The following USF3 variants were observed in gnomAD, a reference collection of about 807,000 sequenced individuals.
USF3 encodes the protein upstream transcription factor family member 3.
USF3 carries 29 observed loss-of-function variants against 157.5 expected under a neutral mutation model. That is an observed-to-expected ratio of 0.18 (90% CI 0.14 to 0.25). The LOEUF (loss-of-function observed/expected upper bound fraction) is 0.25. Among genes scored for constraint, USF3 ranks in the 10% least tolerant of loss-of-function variants. The pLI is 1.00. For synonymous variants in USF3, 893 were observed against 941.4 expected, an observed-to-expected ratio of 0.95 and a Z score of 0.94; for missense variants, 2,381 against 2,667.6, an observed-to-expected ratio of 0.89 and a Z score of 2.37.
rs571970409 is a variant in USF3 at position 113,695,579 on chromosome 3, G to A, written c.-135+791C>T. Among the ~76,000 whole-genome samples the A allele has an allele frequency of 1.5e-4, 23 of 152,328 alleles. No individual in the cohort carries two copies. In the South Asian group the frequency reaches 4.6e-3, roughly 30 times the overall value. On this transcript the variant is annotated intron_variant, in intron 1 of 6. Transcript: ENST00000316407. ...GTTAGGTTACTGTATCTACTTGATG[G>A]TAAAAATGTTACAAGAACGGAAGTT... is the stretch of plus-strand genomic sequence containing the variant.
chr3:113,672,900 C>G (rs988174858), intron 4 of USF3, among the ~76,000 whole-genome samples: 2 of 152,188 alleles, frequency 1.3e-5, no homozygotes, highest in Non-Finnish European at 2.9e-5. Context: ...TTTTCTATAT[C>G]TTCCTATAAT....
In USF3 at chr3:113,656,818, A is replaced by G; in HGVS notation, c.4864T>C (p.Ser1622Pro). Reference protein sequence around the residue: ...QGSGVSSEHVSGHNPMQRLLT... With the variant: ...QGSGVSSEHVPGHNPMQRLLT... ...AGCCTCTGCATTGGATTATGGCCAG[A>G]TACATGTTCAGATGAAACCCCTGAA... The change falls in exon 7 of 7, where the codon TCT (serine) becomes CCT (proline). Residue 1622 changes from serine to proline, a missense_variant. Ser to Pro is a moderately conservative substitution (Grantham distance 74). Around this residue, in one of 6 missense-constraint regions of USF3, gnomAD observed 770 missense variants for 824.2 expected, o/e 0.93. Coordinates refer to ENST00000316407, the MANE Select transcript of USF3 (RefSeq NM_001009899.4). 6.2e-7 allele frequency: 1 copy of G among 1,614,192 alleles called. No individual in the cohort carries two copies. Among genetic ancestry groups the G allele is most frequent in the Non-Finnish European group, 8.5e-7 (1 of 1,180,026 alleles).
At chr3:113,689,404 CT>C (rs1207912100) in intron 1 of USF3, among the ~76,000 whole-genome samples, 2 of 152,214 alleles carry the variant, frequency 1.3e-5, no homozygotes, top group African/African-American at 4.8e-5. Flanking sequence ...GTCAAGTCAT[CT>C]GGTCCAAGTT....
intron 1 of USF3, among the ~76,000 whole-genome samples, chr3:113,689,272 G>C (rs1707632321): frequency 6.6e-6 from 1 of 152,174 alleles, no homozygotes; most frequent in African/African-American, 2.4e-5. Context: ...TCAGAGGACT[G>C]TTACAAGTTT....
At chr3:113,668,113 TA>T (rs1947598132) in intron 5 of USF3, among the ~76,000 whole-genome samples, 1 of 152,002 alleles carries the variant, frequency 6.6e-6, no homozygotes, top group Non-Finnish European at 1.5e-5. Flanking sequence ...AATAAAGCAG[TA>T]ATAAGAACCA....
chr3:113,690,342 T>A (rs1442764174), intron 1 of USF3, among the ~76,000 whole-genome samples: 2 of 152,220 alleles, frequency 1.3e-5, no homozygotes, highest in Non-Finnish European at 2.9e-5. Context: ...TCCCATTTGA[T>A]GGATTTTATA....
At chr3:113,683,464 C>CTTTTTT (rs5851905) in intron 1 of USF3, among the ~76,000 whole-genome samples, 131 of 87,094 alleles carry the variant, frequency 1.5e-3, no homozygotes, top group East Asian at 2.2e-3. Context: ...TTATCCCCTG[C>CTTTTTT]TTTTTTTTTT....
chr3:113,687,914 T>C (rs1707594733), intron 1 of USF3, among the ~76,000 whole-genome samples: 2 of 152,250 alleles, frequency 1.3e-5, no homozygotes, highest in Admixed American at 1.3e-4. Context: ...CTAGTATAGC[T>C]AAATTTATAC....
Position 113,659,244 on chromosome 3 carries a change from G to A in USF3, c.2438C>T (p.Pro813Leu). 6.2e-7 allele frequency: 1 copy of A among 1,614,100 alleles called. No individual in the cohort carries two copies. Among genetic ancestry groups the A allele is most frequent in the Admixed American group, 1.7e-5 (1 of 60,014 alleles). The stretch of plus-strand genomic sequence containing the variant: ...GCTCACATCTCTGACTGAATTCAGG[G>A]GACACGCTGACTTGTTTGCTGCTAA... ...KHLAANKSAC[P>L]LNSVRDVSKL... is the part of the protein sequence containing the mutation. The change falls in exon 7 of 7, where the codon CCC (proline) becomes CTC (leucine). Residue 813 changes from proline (P) to leucine (L), a missense_variant. By Grantham distance (98) the Pro-to-Leu change is moderately conservative. This residue lies in a region of USF3 where 1,435 missense variants were observed against 1,550.9 expected (regional missense o/e 0.93). Transcript: ENST00000316407.
rs369725597 is a variant in USF3 at position 113,656,572 on chromosome 3, G to T, written c.5110C>A (p.Leu1704Ile). ...VSDQLEMRSY[L>I]DVPRNKSLAI... ...AAACTCTTATTTCTGGGAACATCAA[G>T]ATAGCTTCTCATTTCAAGCTGATCT... The change falls in exon 7 of 7, where the codon CTT becomes ATT. Residue 1704 changes from leucine (L) to isoleucine (I), a missense_variant. Transcript: ENST00000316407. 1.9e-5 allele frequency: 30 copies of T among 1,614,078 alleles called. No individual in the cohort carries two copies. Among genetic ancestry groups the T allele is most frequent in the Middle Eastern group, 1.6e-4 (1 of 6,084 alleles).
intron 1 of USF3, among the ~76,000 whole-genome samples, chr3:113,687,256 CACACACACA>C (rs1707576545): frequency 6.6e-6 from 1 of 151,534 alleles, no homozygotes; most frequent in Admixed American, 6.6e-5. Flanking sequence ...CACACACACA[CACACACACA>C]CCCCCTTTCT....
chr3:113,650,195 ACCTTTG>A lies in USF3; in HGVS notation c.*4743_*4748del, dbSNP rs1198725528. 14 of 249,742 alleles carry A rather than the reference ACCTTTG, an allele frequency of 5.6e-5. No individual in the cohort carries two copies. The highest frequency in any genetic ancestry group is 2.4e-3 in the Middle Eastern group (2 of 818). The allele number at this position is 249,742 out of a possible 1,614,324, so 15.5% of individuals were successfully genotyped here. ...TCCAAAGCTGTTTCATTTTGGTATC[ACCTTTG>A]CCCTTTCATTCTTCACAGGAAAAAA... On this transcript the variant is annotated 3_prime_UTR_variant, in exon 7 of 7. Coordinates refer to ENST00000316407, the MANE Select transcript of USF3 (RefSeq NM_001009899.4).
At position 113,674,886 on chromosome 3, in the gene USF3, G is replaced by C; in HGVS notation, c.-8C>G. The C allele has an allele frequency of 6.2e-7, 1 of 1,609,672 alleles. No homozygotes were observed. Among genetic ancestry groups the C allele is most frequent in the African/African-American group, 1.3e-5 (1 of 74,910 alleles). ...CTCTGTCATTTCTGGCATGGTTACA[G>C]TAATAGGAACCTACAGAAGGATAGA... On this transcript the variant is annotated 5_prime_UTR_variant, in exon 3 of 7. Coordinates refer to ENST00000316407, the MANE Select transcript of USF3 (RefSeq NM_001009899.4).
chr3:113,674,819 T>G lies in USF3; in HGVS notation c.47+13A>C. On this transcript the variant is annotated intron_variant, in intron 3 of 6. Transcript: ENST00000316407. ...TGCCCAAAGCATATTATATTGGGGCTGTGGATACATACCTGTGCTGCTTTT... is the reference window on the plus strand; with the variant it reads ...TGCCCAAAGCATATTATATTGGGGCGGTGGATACATACCTGTGCTGCTTTT... 1 of 1,610,476 alleles carries G rather than the reference T, an allele frequency of 6.2e-7. No individual in the cohort carries two copies. The highest frequency in any genetic ancestry group is 8.5e-7 in the Non-Finnish European group (1 of 1,176,688).
chr3:113,657,585 G>A lies in USF3; in HGVS notation c.4097C>T (p.Thr1366Ile), dbSNP rs771589333. ...SMSLMSRTPD[T>I]ISDQTQMMVS... ...CATCATTTGAGTTTGGTCAGAAATGGTGTCTGGAGTTCTGCTCATCAGGGA... is the reference window on the plus strand; with the variant it reads ...CATCATTTGAGTTTGGTCAGAAATGATGTCTGGAGTTCTGCTCATCAGGGA... Residue 1366 changes from threonine to isoleucine, a missense_variant, in exon 7 of 7, where the codon ACC (threonine) becomes ATC (isoleucine). This residue lies in a region of USF3 where 1,435 missense variants were observed against 1,550.9 expected (regional missense o/e 0.93). Transcript: ENST00000316407. 69 of 1,614,054 alleles carry A rather than the reference G, an allele frequency of 4.3e-5. 1 individual carries two copies. The South Asian group carries it at 6.6e-4, about 15-fold the overall frequency.
rs762105560 is a variant in USF3, at chr3:113,655,057, G to A, written c.6625C>T (p.Pro2209Ser). The A allele has an allele frequency of 6.2e-7, 1 of 1,614,118 alleles. No homozygotes were observed. Among genetic ancestry groups the A allele is most frequent in the Non-Finnish European group, 8.5e-7 (1 of 1,180,046 alleles). Residue 2209 changes from proline (P) to serine (S), a missense_variant, in exon 7 of 7, where the codon CCT (proline) becomes TCT (serine). Coordinates refer to ENST00000316407, the MANE Select transcript of USF3 (RefSeq NM_001009899.4). Reference protein sequence around the residue: ...TALPDGSAMSPLLTIANSSAS... With the variant: ...TALPDGSAMSSLLTIANSSAS... ...GAGGAATTTGCTATTGTAAGCAAAG[G>A]TGACATTGCTGAGCCATCAGGAAGC... is the stretch of plus-strand genomic sequence containing the variant.
chr3:113,696,575 ACCGCAG>A lies in USF3; in HGVS notation c.-346_-341del, dbSNP rs1007511137. On this transcript the variant is annotated 5_prime_UTR_variant, in exon 1 of 7. Transcript: ENST00000316407. The stretch of plus-strand genomic sequence containing the variant: ...GCCCCCGCCGCCTCTTTTTGCGGCC[ACCGCAG>A]CCGCTGCGAGCCCGAGCCCTCAAGG... The A allele has an allele frequency of 1.7e-5, 2 of 115,486 alleles. No individual in the cohort carries two copies. Among genetic ancestry groups the A allele is most frequent in the Non-Finnish European group, 3.5e-5 (2 of 57,810 alleles). The allele number at this position is 115,486 out of a possible 1,614,324, so 7.2% of individuals were successfully genotyped here.
Position 113,674,853 on chromosome 3 carries a change from G to A in USF3, c.26C>T (p.Thr9Met), listed in dbSNP as rs374318183. Residue 9 changes from threonine to methionine, a missense_variant, in exon 3 of 7, where the codon ACG (threonine) becomes ATG (methionine). By Grantham distance (81) the Thr-to-Met change is moderately conservative. This residue lies in a region of USF3 where 105 missense variants were observed against 158.6 expected (regional missense o/e 0.66). Transcript: ENST00000316407. MPEMTENE[T>M]PTKKQHRKKN... ...ATACCTGTGCTGCTTTTTTGTAGGCGTCTCATTCTCTGTCATTTCTGGCAT... is the reference window on the plus strand; with the variant it reads ...ATACCTGTGCTGCTTTTTTGTAGGCATCTCATTCTCTGTCATTTCTGGCAT... 41 of 1,613,452 alleles carry A rather than the reference G, an allele frequency of 2.5e-5. No individual in the cohort carries two copies. Among genetic ancestry groups the A allele is most frequent in the Admixed American group, 2.2e-4 (13 of 60,016 alleles).
intron 3 of USF3, 40 bp from the exon 4 acceptor site, chr3:113,673,416 A>T: frequency 7.9e-7 from 1 of 1,267,144 alleles, no homozygotes; most frequent in Non-Finnish European, 1.1e-6. Context: ...CATGAAAATA[A>T]TGGGAAAGTA....
Sources: allele counts gnomAD v4.1 joint callset (sites outside exome capture counted in the v4.1 genomes callset), GRCh38; gene constraint gnomAD v4.1.1; regional missense constraint gnomAD v4.1.1; transcripts MANE v1.5; gene names NCBI Gene and HGNC (gene_info 2026-07-23, HGNC 2026-07-21).